Variants in SLCO5A1 observed in about 807,000 individuals in gnomAD.
SLCO5A1 encodes organic anion transporter polypeptide-related protein 4.
In SLCO5A1, 39 loss-of-function variants were observed where a neutral mutation model predicts 65.1. The observed-to-expected ratio is 0.60, with a 90% CI of 0.46 to 0.78. The LOEUF is 0.78. Ranked by LOEUF, SLCO5A1 falls within the 30% of genes least tolerant of loss-of-function variation. SLCO5A1 has a pLI of 0.00. For synonymous variants in SLCO5A1, 438 were observed against 415.7 expected, an observed-to-expected ratio of 1.05 and a Z score of -0.65; for missense variants, 1,029 against 1,069.4, an observed-to-expected ratio of 0.96 and a Z score of 0.53.
At chr8:69,726,217 C>A (rs1388963603) in intron 5 of SLCO5A1, among the ~76,000 whole-genome samples, 1 of 152,128 alleles carries the variant, frequency 6.6e-6, no homozygotes, top group African/African-American at 2.4e-5. Context: ...CTGCACTGTG[C>A]CCAAATATAT....
intron 5 of SLCO5A1, among the ~76,000 whole-genome samples, chr8:69,709,837 C>T (rs1264905695): frequency 1.3e-5 from 2 of 152,014 alleles, no homozygotes; most frequent in Non-Finnish European, 2.9e-5. Flanking sequence ...TAATATGGGT[C>T]CAGACAATAT....
intron 2 of SLCO5A1, among the ~76,000 whole-genome samples, chr8:69,784,585 T>C (rs1818929253): frequency 6.6e-6 from 1 of 151,856 alleles, no homozygotes; most frequent in African/African-American, 2.4e-5. Context: ...GTCAGGAGTT[T>C]GAGACCAGCC....
chr8:69,776,157 G>A (rs962353187), intron 2 of SLCO5A1, among the ~76,000 whole-genome samples: 3 of 152,124 alleles, frequency 2.0e-5, no homozygotes, highest in Admixed American at 6.5e-5. Flanking sequence ...AAAGTCACAC[G>A]ATCAAGCTTC....
chr8:69,819,190 G>T (rs1820532711), intron 2 of SLCO5A1, among the ~76,000 whole-genome samples: 1 of 151,966 alleles, frequency 6.6e-6, no homozygotes, highest in African/African-American at 2.4e-5. Flanking sequence ...GGAAGAAGGG[G>T]ATTAATGTGA....
chr8:69,766,360 T>C (rs1450373470), intron 2 of SLCO5A1, among the ~76,000 whole-genome samples: 1 of 152,164 alleles, frequency 6.6e-6, no homozygotes, highest in Non-Finnish European at 1.5e-5. Context: ...TGCCGACACA[T>C]TGGCACCCTC....
chr8:69,789,915 G>A (rs1244261576), intron 2 of SLCO5A1, among the ~76,000 whole-genome samples: 1 of 152,006 alleles, frequency 6.6e-6, no homozygotes, highest in Non-Finnish European at 1.5e-5. Flanking sequence ...TAATTGGGCC[G>A]GGCACGGTGG....
At chr8:69,735,963 T>C (rs1048540543) in intron 5 of SLCO5A1, among the ~76,000 whole-genome samples, 1 of 152,208 alleles carries the variant, frequency 6.6e-6, no homozygotes, top group African/African-American at 2.4e-5. Flanking sequence ...ATTTGCTGCC[T>C]ATCTATAAAG....
chr8:69,832,484 C>A lies in SLCO5A1; in HGVS notation c.190G>T (p.Val64Leu). Residue 64 changes from valine (V) to leucine (L), a missense_variant, in exon 2 of 10, where the codon GTG becomes TTG. By Grantham distance (32) the Val-to-Leu change is conservative. Transcript: ENST00000260126. The surrounding 1 kb of genome is among the most constrained non-coding windows in gnomAD (Gnocchi z 4.5). The stretch of plus-strand genomic sequence containing the variant: ...AACTCCTGGTGGCCCGAAGAATCCA[C>A]ACAGCCAAAGGCCGGGTTGGCGTCT... ...SGDANPAFGC[V>L]DSSGHQELKQ... 3 of 1,612,008 alleles carry A rather than the reference C, an allele frequency of 1.9e-6. No individual in the cohort carries two copies. Among genetic ancestry groups the A allele is most frequent in the Non-Finnish European group, 2.5e-6 (3 of 1,179,230 alleles).
rs544227000 is a variant in SLCO5A1, at chr8:69,677,052, G to GT, written c.2025-380dup. On this transcript the variant is annotated intron_variant, in intron 8 of 9. Transcript: ENST00000260126. Reference sequence around the variant, plus strand: ...TTTTTTTGTTTTTGTTTTTGTTTTTGTTTTTTTGCCTGTGTGCCTGCATCT... The same window carrying GT: ...TTTTTTTGTTTTTGTTTTTGTTTTTGTTTTTTTTGCCTGTGTGCCTGCATCT... Among the ~76,000 whole-genome samples, 109 of 151,580 alleles carry GT rather than the reference G, an allele frequency of 7.2e-4. 1 individual carries two copies. The South Asian group carries it at 0.015, about 21-fold the overall frequency.
At chr8:69,811,125 C>G (rs1820187284) in intron 2 of SLCO5A1, among the ~76,000 whole-genome samples, 1 of 152,138 alleles carries the variant, frequency 6.6e-6, no homozygotes, top group Non-Finnish European at 1.5e-5. Flanking sequence ...CTCCAGGAAC[C>G]ACAAAGGGCT....
intron 2 of SLCO5A1, among the ~76,000 whole-genome samples, chr8:69,813,085 A>G (rs1341284169): frequency 1.3e-5 from 2 of 152,178 alleles, no homozygotes; most frequent in African/African-American, 4.8e-5. Context: ...GCAAATGAGG[A>G]TTGTTGGTCC....
At chr8:69,823,803 C>A (rs975739534) in intron 2 of SLCO5A1, among the ~76,000 whole-genome samples, 9 of 152,162 alleles carry the variant, frequency 5.9e-5, no homozygotes, top group Non-Finnish European at 1.3e-4. Flanking sequence ...AACTCTCCAC[C>A]CCAAATCAAC....
chr8:69,756,083 T>C (rs1047345986), intron 3 of SLCO5A1, among the ~76,000 whole-genome samples: 2 of 152,236 alleles, frequency 1.3e-5, no homozygotes, highest in African/African-American at 4.8e-5. Flanking sequence ...TGAAATATGT[T>C]TTAAATTATT....
chr8:69,760,278 C>G (rs1372138340), intron 3 of SLCO5A1, among the ~76,000 whole-genome samples: 2 of 152,322 alleles, frequency 1.3e-5, no homozygotes, highest in Admixed American at 1.3e-4. Context: ...GAACTTAAAA[C>G]TCCTGTGTTA....
At chr8:69,708,958 T>C (rs1815097207) in intron 5 of SLCO5A1, among the ~76,000 whole-genome samples, 1 of 151,828 alleles carries the variant, frequency 6.6e-6, no homozygotes, top group Admixed American at 6.6e-5. Context: ...AAGGAGAAAA[T>C]AGACAACAGT....
intron 6 of SLCO5A1, 134 bp from the exon 7 acceptor site, chr8:69,682,477 T>A: frequency 1.2e-6 from 1 of 800,320 alleles, no homozygotes; most frequent in Non-Finnish European, 1.8e-6. Flanking sequence ...ATACCCAAAG[T>A]AGTCATCCTC....
At chr8:69,825,224 G>A (rs556699861) in intron 2 of SLCO5A1, among the ~76,000 whole-genome samples, 1 of 152,144 alleles carries the variant, frequency 6.6e-6, no homozygotes, top group Non-Finnish European at 1.5e-5. Flanking sequence ...GCACAAGACA[G>A]GGATGCCCTC....
chr8:69,673,356 A>G, intron 9 of SLCO5A1, 30 bp from the exon 10 acceptor site: 1 of 1,570,854 alleles, frequency 6.4e-7, no homozygotes. Flanking sequence ...GAAAATACGA[A>G]GACTTAGCAC....
At position 69,832,214 on chromosome 8, in the gene SLCO5A1, T is replaced by C; in HGVS notation, c.460A>G (p.Thr154Ala). 1 of 1,614,036 alleles carries C rather than the reference T, an allele frequency of 6.2e-7. No homozygotes were observed. The highest frequency in any genetic ancestry group is 8.5e-7 in the Non-Finnish European group (1 of 1,180,010). The change falls in exon 2 of 10, where the codon ACC becomes GCC. Residue 154 changes from threonine to alanine, a missense_variant. By Grantham distance (58) the Thr-to-Ala change is moderately conservative. Coordinates refer to ENST00000260126, the MANE Select transcript of SLCO5A1 (RefSeq NM_030958.3). The surrounding 1 kb of genome is among the most constrained non-coding windows in gnomAD (Gnocchi z 4.5). ...MVSGYLSSVI[T>A]TIERRYSLKS... Reference sequence around the variant, plus strand: ...AGACTGTAGCGCCTTTCAATGGTGGTAATTACGCTGCTCAGGTACCCAGAG... The same window carrying C: ...AGACTGTAGCGCCTTTCAATGGTGGCAATTACGCTGCTCAGGTACCCAGAG...
Sources: allele counts gnomAD v4.1 joint callset (sites outside exome capture counted in the v4.1 genomes callset), GRCh38; gene constraint gnomAD v4.1.1; non-coding constraint Gnocchi (gnomAD v3.1); transcripts MANE v1.5; gene names NCBI Gene and HGNC (gene_info 2026-07-23, HGNC 2026-07-21).